The following AFF3 variants were observed in gnomAD, a reference collection of about 807,000 sequenced individuals.
The protein encoded by AFF3 is ALF transcription elongation factor 3.
In AFF3, 32 loss-of-function variants were observed where a neutral mutation model predicts 129.7. The ratio of observed to expected loss-of-function variants is 0.25; its 90% CI spans 0.19 to 0.33. The LOEUF is 0.33. Ranked by LOEUF, AFF3 falls within the 10% of genes least tolerant of loss-of-function variation. The probability of loss-of-function intolerance (pLI) is 1.00; values close to 1 mark genes in which losing one functional copy is unlikely to be tolerated. For synonymous variants in AFF3, 644 were observed against 635.4 expected, an observed-to-expected ratio of 1.01 and a Z score of -0.20; for missense variants, 1,373 against 1,592.0, an observed-to-expected ratio of 0.86 and a Z score of 2.34.
intron 12 of AFF3, among the ~76,000 whole-genome samples, chr2:99,651,856 A>AT (rs1185513086): frequency 6.6e-6 from 1 of 152,034 alleles, no homozygotes; most frequent in East Asian, 1.9e-4. Context: ...CCTCAGAACC[A>AT]TTTTCTCTGT....
intron 4 of AFF3, among the ~76,000 whole-genome samples, chr2:100,095,526 G>C (rs1441063398): frequency 6.6e-6 from 1 of 152,182 alleles, no homozygotes; most frequent in Non-Finnish European, 1.5e-5. Context: ...TCTCAAGACT[G>C]CAAGATTTAA....
chr2:99,980,551 T>C (rs1396468176), intron 7 of AFF3, among the ~76,000 whole-genome samples: 1 of 152,272 alleles, frequency 6.6e-6, no homozygotes, highest in African/African-American at 2.4e-5. Flanking sequence ...TTTCTTTTCC[T>C]GATTCCATTA....
At chr2:100,044,589 C>T (rs1330485561) in intron 4 of AFF3, among the ~76,000 whole-genome samples, 2 of 151,882 alleles carry the variant, frequency 1.3e-5, no homozygotes, top group South Asian at 2.1e-4. Context: ...TATAGAAAGG[C>T]ATACTCTCTC....
chr2:100,111,497 T>A (rs1691508918), intron 2 of AFF3, among the ~76,000 whole-genome samples: 1 of 152,248 alleles, frequency 6.6e-6, no homozygotes, highest in Non-Finnish European at 1.5e-5. Flanking sequence ...ATTATTTGTT[T>A]CTTTATTTTC....
chr2:99,987,891 T>A (rs779777729), intron 7 of AFF3, among the ~76,000 whole-genome samples: 12 of 152,246 alleles, frequency 7.9e-5, no homozygotes, highest in Non-Finnish European at 1.3e-4. Context: ...GAACCTGTTA[T>A]GAAAAAGAAC....
At chr2:99,811,370 T>C (rs886716801) in intron 8 of AFF3, among the ~76,000 whole-genome samples, 3 of 152,170 alleles carry the variant, frequency 2.0e-5, no homozygotes, top group Non-Finnish European at 2.9e-5. Context: ...AAGGAAACTA[T>C]TATTATCTCT....
intron 4 of AFF3, among the ~76,000 whole-genome samples, chr2:100,103,921 A>G (rs1396634766): frequency 6.6e-6 from 1 of 151,496 alleles, no homozygotes. Flanking sequence ...GAAAGGATGC[A>G]GCCGAGACCG....
chr2:99,839,024 G>T (rs964542809), intron 7 of AFF3, among the ~76,000 whole-genome samples: 3 of 152,140 alleles, frequency 2.0e-5, no homozygotes, highest in Non-Finnish European at 4.4e-5. Context: ...CAGAATTAGG[G>T]GATTTATCCA....
intron 7 of AFF3, among the ~76,000 whole-genome samples, chr2:99,895,432 T>C (rs1025137451): frequency 2.6e-5 from 4 of 152,252 alleles, no homozygotes; most frequent in African/African-American, 9.6e-5. Flanking sequence ...GAAATTTAGA[T>C]ACGCTGAAGT....
At chr2:99,651,515 C>T (rs1385372480) in intron 12 of AFF3, among the ~76,000 whole-genome samples, 1 of 151,868 alleles carries the variant, frequency 6.6e-6, no homozygotes, top group Non-Finnish European at 1.5e-5. Context: ...GATTTCAGCT[C>T]ACTGCAACCT....
intron 4 of AFF3, among the ~76,000 whole-genome samples, chr2:100,017,558 C>G (rs545770275): frequency 3.3e-5 from 5 of 152,160 alleles, no homozygotes; most frequent in Admixed American, 6.5e-5. Flanking sequence ...AAGGGAGTCA[C>G]AAAGTCACAA....
chr2:99,666,363 T>C (rs1686675669), intron 12 of AFF3, among the ~76,000 whole-genome samples: 1 of 152,212 alleles, frequency 6.6e-6, no homozygotes, highest in Non-Finnish European at 1.5e-5. Context: ...ATAAGTTATG[T>C]ATATATAGTG....
intron 7 of AFF3, among the ~76,000 whole-genome samples, chr2:99,840,831 T>G (rs1348467450): frequency 6.6e-6 from 1 of 152,146 alleles, no homozygotes; most frequent in Admixed American, 6.5e-5. Context: ...GGCTTGATGG[T>G]CACTTGGAAG....
intron 9 of AFF3, among the ~76,000 whole-genome samples, chr2:99,748,436 C>T (rs1244607998): frequency 6.6e-6 from 1 of 152,094 alleles, no homozygotes; most frequent in African/African-American, 2.4e-5. Context: ...AGAAGTGAGT[C>T]CAGCAAGTTA....
In AFF3 at chr2:99,551,695, A is replaced by G. The variant is rs138551994; in HGVS notation, c.3560-100T>C. 4.0e-4 allele frequency: 579 copies of G among 1,441,906 alleles called. 2 individuals carry two copies. Among genetic ancestry groups the G allele is most frequent in the African/African-American group, 3.5e-3 (247 of 71,232 alleles). The allele number at this position is 1,441,906 out of a possible 1,614,324, so 89.3% of individuals were successfully genotyped here. On this transcript the variant is annotated intron_variant, in intron 24 of 24. Transcript: ENST00000672756. ...AAATTCCATTCATGGTCTCTATATA[A>G]ATCAAGGATTCTCCGTTCCATCATG...
At chr2:99,933,062 G>C (rs1180161761) in intron 7 of AFF3, among the ~76,000 whole-genome samples, 1 of 152,180 alleles carries the variant, frequency 6.6e-6, no homozygotes, top group Admixed American at 6.5e-5. Context: ...AGAGATTGAT[G>C]TTTCCAGAAA....
rs778161998 is a variant in AFF3, at chr2:99,827,642, G to GAT, written c.921+9833_921+9834dup. Among the ~76,000 whole-genome samples the GAT allele has an allele frequency of 4.8e-3, 713 of 148,050 alleles. 6 individuals carry two copies. The highest frequency in any genetic ancestry group is 0.014 in the African/African-American group (548 of 40,340). ...GAGCTGCAAGCAATGTAGCACTGAA[G>GAT]ATATATATATATATATGTATATATA... On this transcript the variant is annotated intron_variant, in intron 8 of 24. Transcript: ENST00000672756.
chr2:100,134,886 T>C (rs980057574), intron 1 of AFF3, among the ~76,000 whole-genome samples: 1 of 152,186 alleles, frequency 6.6e-6, no homozygotes, highest in African/African-American at 2.4e-5. Context: ...TAAATATATA[T>C]GGTAAATGGA....
intron 8 of AFF3, among the ~76,000 whole-genome samples, chr2:99,829,306 A>G (rs1347772007): frequency 6.6e-6 from 1 of 152,244 alleles, no homozygotes; most frequent in African/African-American, 2.4e-5. Flanking sequence ...TAAACTAAAA[A>G]GCTTCTGCAC....
Sources: gnomAD v4.1 joint callset for allele counts (sites outside exome capture counted in the v4.1 genomes callset) on GRCh38, gnomAD v4.1.1 for gene constraint, MANE v1.5 for transcripts, NCBI Gene and HGNC (gene_info 2026-07-23, HGNC 2026-07-21) for gene names.